The following MIA2 variants were observed in gnomAD, a reference collection of about 807,000 sequenced individuals.
MIA2 encodes the protein MIA SH3 domain ER export factor 2.
MIA2 carries 127 observed loss-of-function variants against 167.8 expected under a neutral mutation model. The observed-to-expected ratio is 0.76, with a 90% CI of 0.66 to 0.88. MIA2 has a LOEUF of 0.88. Ranked by LOEUF, MIA2 falls within the 40% of genes least tolerant of loss-of-function variation. The probability of loss-of-function intolerance (pLI) is 0.00; values close to 1 mark genes in which losing one functional copy is unlikely to be tolerated. For synonymous variants in MIA2, 552 were observed against 541.9 expected, an observed-to-expected ratio of 1.02 and a Z score of -0.26; for missense variants, 1,690 against 1,624.7, an observed-to-expected ratio of 1.04 and a Z score of -0.69.
intron 3 of MIA2, among the ~76,000 whole-genome samples, chr14:39,243,171 G>A (rs978547663): frequency 2.6e-5 from 4 of 151,670 alleles, no homozygotes; most frequent in Admixed American, 2.6e-4. Flanking sequence ...TGACCAGGCA[G>A]ACAGAGAAGT....
intron 14 of MIA2, among the ~76,000 whole-genome samples, chr14:39,301,155 G>A (rs1274576775): frequency 6.6e-6 from 1 of 151,622 alleles, no homozygotes; most frequent in Admixed American, 6.6e-5. Context: ...CTGCCTCGTG[G>A]GTTCAAGTGA....
intron 6 of MIA2, among the ~76,000 whole-genome samples, chr14:39,260,962 G>A (rs541872165): frequency 1.6e-4 from 25 of 151,856 alleles, no homozygotes; most frequent in Non-Finnish European, 2.8e-4. Context: ...TATTAAATAG[G>A]GGATCCTTTC....
At chr14:39,243,357 T>A (rs1028682519) in intron 3 of MIA2, among the ~76,000 whole-genome samples, 2 of 151,878 alleles carry the variant, frequency 1.3e-5, no homozygotes, top group East Asian at 3.9e-4. Flanking sequence ...GATATGGGAG[T>A]ATTTACTAGA....
intron 23 of MIA2, chr14:39,385,281 A>C (rs758217556): frequency 1.1e-5 from 7 of 643,180 alleles, no homozygotes; most frequent in Non-Finnish European, 2.0e-5. Flanking sequence ...TATGCAGTAA[A>C]GTGAAGATAA....
At chr14:39,259,516 T>C (rs1484694430) in intron 6 of MIA2, among the ~76,000 whole-genome samples, 1 of 151,992 alleles carries the variant, frequency 6.6e-6, no homozygotes, top group Non-Finnish European at 1.5e-5. Flanking sequence ...TTTTCTTTTC[T>C]CTCTCTCTCT....
At chr14:39,357,270 C>G (rs1038425735) in intron 23 of MIA2, among the ~76,000 whole-genome samples, 7 of 152,166 alleles carry the variant, frequency 4.6e-5, no homozygotes, top group Non-Finnish European at 8.8e-5. Context: ...GGATAGTTAG[C>G]TCTTCTTGTT....
chr14:39,361,669 A>T (rs1450883879), intron 23 of MIA2, among the ~76,000 whole-genome samples: 1 of 151,894 alleles, frequency 6.6e-6, no homozygotes, highest in African/African-American at 2.4e-5. Flanking sequence ...CGAACTCCTG[A>T]CCTCAGGTGA....
chr14:39,272,339 G>C (rs907893478), intron 6 of MIA2, among the ~76,000 whole-genome samples: 1 of 151,802 alleles, frequency 6.6e-6, no homozygotes, highest in African/African-American at 2.4e-5. Flanking sequence ...GTGACAGGGC[G>C]AGACTCCATC....
At position 39,277,776 on chromosome 14, in the gene MIA2, A is replaced by ATATATATT. The variant is rs1555358832; in HGVS notation, c.2019+716_2019+717insATTTATAT. ...TATATATATATATATATATATATAT[A>ATATATATT]TATATTTATATTTAAAGAGATGGGG... On this transcript the variant is annotated intron_variant, in intron 7 of 28. Transcript: ENST00000640607. Among the ~76,000 whole-genome samples, 17 of 35,770 alleles carry ATATATATT rather than the reference A, an allele frequency of 4.8e-4. 3 individuals are homozygous for ATATATATT. Among genetic ancestry groups the ATATATATT allele is most frequent in the South Asian group, 3.6e-3 (3 of 826 alleles). The allele number at this position is 35,770 out of a possible 152,430, so 23.5% of individuals were successfully genotyped here.
intron 6 of MIA2, among the ~76,000 whole-genome samples, chr14:39,260,687 T>A (rs1234855782): frequency 6.6e-6 from 1 of 152,150 alleles, no homozygotes; most frequent in Non-Finnish European, 1.5e-5. Context: ...AGTTTCTTTT[T>A]CTGTGCAGAA....
downstream of MIA2, among the ~76,000 whole-genome samples, chr14:39,355,932 T>C (rs2074511214): frequency 6.6e-6 from 1 of 152,236 alleles, no homozygotes; most frequent in South Asian, 2.1e-4. Context: ...AGCTTTTTGA[T>C]GTGCTGTGGA....
intron 6 of MIA2, among the ~76,000 whole-genome samples, chr14:39,275,511 ATAT>A (rs1408115922): frequency 6.6e-6 from 1 of 152,194 alleles, no homozygotes; most frequent in Non-Finnish European, 1.5e-5. Context: ...AATCTAAGAA[ATAT>A]TATTGTACTA....
chr14:39,259,590 G>C (rs1027532807), intron 6 of MIA2, among the ~76,000 whole-genome samples: 2 of 151,546 alleles, frequency 1.3e-5, no homozygotes, highest in Non-Finnish European at 2.9e-5. Flanking sequence ...GAGTACAGTG[G>C]CCCTATCACA....
intron 23 of MIA2, among the ~76,000 whole-genome samples, chr14:39,377,108 G>A (rs1487863792): frequency 6.6e-6 from 1 of 151,992 alleles, no homozygotes; most frequent in African/African-American, 2.4e-5. Flanking sequence ...TCTGGTCTTG[G>A]GTTTTGTCTG....
At chr14:39,285,232 C>T (rs945310296) in intron 9 of MIA2, among the ~76,000 whole-genome samples, 5 of 152,128 alleles carry the variant, frequency 3.3e-5, no homozygotes, top group Admixed American at 6.5e-5. Flanking sequence ...AAACCGCCAT[C>T]GTCATCCTGG....
intron 23 of MIA2, among the ~76,000 whole-genome samples, chr14:39,379,096 C>G (rs539708579): frequency 6.6e-6 from 1 of 152,104 alleles, no homozygotes; most frequent in East Asian, 1.9e-4. Context: ...TTAATCATCT[C>G]GACCATAAGA....
chr14:39,322,678 C>G (rs1202079848), intron 24 of MIA2, among the ~76,000 whole-genome samples: 1 of 152,102 alleles, frequency 6.6e-6, no homozygotes, highest in Non-Finnish European at 1.5e-5. Flanking sequence ...ACAAAAGGCC[C>G]TAGTACCTTT....
intron 15 of MIA2, 31 bp downstream of exon 15, chr14:39,302,280 A>C (rs536927120): frequency 6.2e-7 from 1 of 1,607,966 alleles, no homozygotes; most frequent in East Asian, 2.2e-5. Flanking sequence ...TCCTTTTGCT[A>C]AAATGGTGAC....
downstream of MIA2, among the ~76,000 whole-genome samples, chr14:39,356,131 C>T (rs550908875): frequency 3.3e-5 from 5 of 152,240 alleles, no homozygotes; most frequent in East Asian, 9.6e-4. Flanking sequence ...AGGAGTGGTA[C>T]CAGCTCCTCC....
Sources: gnomAD v4.1 joint callset for allele counts (sites outside exome capture counted in the v4.1 genomes callset) on GRCh38, gnomAD v4.1.1 for gene constraint, MANE v1.5 for transcripts, NCBI Gene and HGNC (gene_info 2026-07-23, HGNC 2026-07-21) for gene names.